Variants in CACNA1C observed in about 807,000 individuals in gnomAD.
The protein encoded by CACNA1C is calcium voltage-gated channel subunit alpha1 C, also known as voltage-dependent L-type calcium channel subunit alpha-1C.
Under a neutral mutation model 229.0 loss-of-function variants are expected in CACNA1C, and 30 were observed. That is an observed-to-expected ratio of 0.13 (90% CI 0.10 to 0.18). The LOEUF (loss-of-function observed/expected upper bound fraction) is 0.18. CACNA1C is among the 10% of genes least tolerant of loss of function. The pLI is 1.00. For synonymous variants in CACNA1C, 1,114 were observed against 1,132.5 expected (o/e 0.98, Z 0.33); for missense variants, 1,658 against 2,845.0 (o/e 0.58, Z 9.49).
chr12:2,638,879 G>A (rs2093259469), intron 30 of CACNA1C, among the ~76,000 whole-genome samples: 1 of 151,592 alleles, frequency 6.6e-6, no homozygotes, highest in African/African-American at 2.4e-5. Flanking sequence ...TTGGAGGGGA[G>A]ATGTCAGGTG....
intron 13 of CACNA1C, among the ~76,000 whole-genome samples, chr12:2,572,489 TC>T (rs2055908857): frequency 2.2e-5 from 2 of 90,976 alleles, no homozygotes; most frequent in Non-Finnish European, 2.2e-5. Context: ...CTCTTCCTCC[TC>T]CTCCTCCTCT....
chr12:2,436,364 A>G (rs1017809127), intron 3 of CACNA1C, among the ~76,000 whole-genome samples: 1 of 152,102 alleles, frequency 6.6e-6, no homozygotes, highest in Non-Finnish European at 1.5e-5. Context: ...AGGCTGTTGA[A>G]GGGGCCTCTT....
intron 5 of CACNA1C, among the ~76,000 whole-genome samples, chr12:2,482,399 G>A (rs923613270): frequency 7.2e-5 from 11 of 152,352 alleles, no homozygotes; most frequent in African/African-American, 1.9e-4. Flanking sequence ...AGACCACCTG[G>A]CACTGAGCCC....
At chr12:2,378,779 G>GTCCTTCCTTCCTTCCTTCCTTCCTTCCT (rs146245294) in intron 3 of CACNA1C, among the ~76,000 whole-genome samples, 1 of 144,024 alleles carries the variant, frequency 6.9e-6, no homozygotes, top group African/African-American at 2.7e-5. Context: ...GTTTATTTGG[G>GTCCTTCCTTCCTTCCTTCCTTCCTTCCT]TCCTTCCTTC....
In CACNA1C at chr12:2,666,535, C is replaced by T. The variant is rs77773628; in HGVS notation, c.4527-151C>T. 0.014 allele frequency: 7,903 copies of T among 558,642 alleles called. 77 individuals carry two copies. Among genetic ancestry groups the T allele is most frequent in the Middle Eastern group, 0.022 (47 of 2,126 alleles). 34.6% of individuals were successfully genotyped at this position (558,642 alleles called of 1,614,324 possible). The stretch of plus-strand genomic sequence containing the variant: ...TTTGGGGCTGTGTCATGCAATTCTG[C>T]AACTCTGTACTGAGTGTGACTAATA... On this transcript the variant is annotated intron_variant, in intron 36 of 46. Coordinates refer to ENST00000399655, the MANE Select transcript of CACNA1C (RefSeq NM_000719.7). This position sits in a 1 kb window ranked among gnomAD's most constrained non-coding sequence, Gnocchi z 5.3.
Position 1,983,125 on chromosome 12 carries a change from C to CT in CACNA1C, c.139+11935dup, listed in dbSNP as rs879705096. Among the ~76,000 whole-genome samples the CT allele has an allele frequency of 1.2e-3, 170 of 143,736 alleles. 1 individual carries two copies. The highest frequency in any genetic ancestry group is 3.6e-3 in the Middle Eastern group (1 of 276). The allele number at this position is 143,736 out of a possible 152,430, so 94.3% of individuals were successfully genotyped here. On this transcript the variant is annotated intron_variant, in intron 1 of 46. Coordinates refer to the CACNA1C transcript ENST00000682462. ...TTCTGATACTGCTAATTTGTGTCTTCTTTTTTTTTTTCCTTCATCAGTCTG... is the reference window on the plus strand; with the variant it reads ...TTCTGATACTGCTAATTTGTGTCTTCTTTTTTTTTTTTCCTTCATCAGTCTG...
intron 1 of CACNA1C, among the ~76,000 whole-genome samples, chr12:2,060,476 C>G (rs1439030815): frequency 6.6e-6 from 1 of 152,240 alleles, no homozygotes; most frequent in East Asian, 1.9e-4. Context: ...GGAAGAGAAT[C>G]ACTAGGACCT....
At chr12:2,118,627 G>A (rs1171435988) in intron 2 of CACNA1C, among the ~76,000 whole-genome samples, 2 of 152,192 alleles carry the variant, frequency 1.3e-5, no homozygotes, top group Non-Finnish European at 2.9e-5. Flanking sequence ...CATTTCTGTT[G>A]GGCCGTAAGA....
chr12:2,485,410 T>C (rs1223797280), intron 5 of CACNA1C, among the ~76,000 whole-genome samples: 1 of 152,168 alleles, frequency 6.6e-6, no homozygotes, highest in Non-Finnish European at 1.5e-5. Flanking sequence ...TTATTTCTGG[T>C]ATAACCGAGC....
chr12:2,496,617 A>AC (rs57787912), intron 7 of CACNA1C, among the ~76,000 whole-genome samples: 22,270 of 152,224 alleles, frequency 0.15, 1,721 homozygotes, highest in Middle Eastern at 0.23. Flanking sequence ...TTCCATTGTT[A>AC]GATTTTAAAG....
intron 3 of CACNA1C, among the ~76,000 whole-genome samples, chr12:2,333,306 C>T (rs1380099413): frequency 6.6e-6 from 1 of 152,210 alleles, no homozygotes; most frequent in Admixed American, 6.5e-5. Context: ...GATTGGGAGA[C>T]TCCAAAACCT....
At chr12:2,380,742 C>A (rs535898346) in intron 3 of CACNA1C, among the ~76,000 whole-genome samples, 1 of 152,226 alleles carries the variant, frequency 6.6e-6, no homozygotes, top group Non-Finnish European at 1.5e-5. Context: ...TAATTAACTT[C>A]CCCATGCCTG....
At chr12:2,016,150 G>C (rs966771769) in intron 1 of CACNA1C, among the ~76,000 whole-genome samples, 2 of 152,136 alleles carry the variant, frequency 1.3e-5, no homozygotes, top group African/African-American at 4.8e-5. Context: ...TTCTTAGTTC[G>C]GTGTCTCCTG....
rs111648242 is a variant in CACNA1C at position 2,152,452 on chromosome 12, C to T, written c.477+32022C>T. ...CTTTCTCCCTCTGCAGGCGTGTTGC[C>T]GTCATGGTGAGGAGCCATTTCATAT... On this transcript the variant is annotated intron_variant, in intron 3 of 46. Coordinates refer to ENST00000399655, the MANE Select transcript of CACNA1C (RefSeq NM_000719.7). The surrounding 1 kb of genome is among the most constrained non-coding windows in gnomAD (Gnocchi z 4.2). Among the ~76,000 whole-genome samples, 14 of 152,264 alleles carry T rather than the reference C, an allele frequency of 9.2e-5. 2 individuals are homozygous for T. In the South Asian group the frequency reaches 1.0e-3, roughly 11 times the overall value.
chr12:2,423,066 A>T (rs1174094935), intron 3 of CACNA1C, among the ~76,000 whole-genome samples: 1 of 152,006 alleles, frequency 6.6e-6, no homozygotes, highest in Non-Finnish European at 1.5e-5. Flanking sequence ...ATCTAGCATG[A>T]TTTCCCACTC....
intron 3 of CACNA1C, among the ~76,000 whole-genome samples, chr12:2,239,629 C>T (rs899601417): frequency 3.3e-5 from 5 of 152,162 alleles, no homozygotes; most frequent in African/African-American, 7.2e-5. Flanking sequence ...CCCTCCCACT[C>T]GCCTCCCACG....
chr12:2,602,184 G>A lies in CACNA1C; in HGVS notation c.2960+224G>A, dbSNP rs977061325. ...CAGGTGAGAATATGTTTAATTATCTGGGTTTTGCCATGACAGGCAGGGCCA... is the reference window on the plus strand; with the variant it reads ...CAGGTGAGAATATGTTTAATTATCTAGGTTTTGCCATGACAGGCAGGGCCA... On this transcript the variant is annotated intron_variant, in intron 22 of 46. Transcript: ENST00000399655. This position sits in a 1 kb window ranked among gnomAD's most constrained non-coding sequence, Gnocchi z 4.4. Among the ~76,000 whole-genome samples, 44 of 152,182 alleles carry A rather than the reference G, an allele frequency of 2.9e-4. No homozygotes were observed. The highest frequency in any genetic ancestry group is 1.1e-3 in the African/African-American group (44 of 41,438).
intron 9 of CACNA1C, among the ~76,000 whole-genome samples, chr12:2,528,100 T>C (rs2099827051): frequency 6.6e-6 from 1 of 152,166 alleles, no homozygotes; most frequent in African/African-American, 2.4e-5. Context: ...CTCATGTTCC[T>C]CTCCCAACAG....
At position 2,639,960 on chromosome 12, in the gene CACNA1C, C is replaced by T. The variant is rs1246979985; in HGVS notation, c.3912+5580C>T. Among the ~76,000 whole-genome samples the T allele has an allele frequency of 1.6e-4, 24 of 152,042 alleles. No homozygotes were observed. The highest frequency in any genetic ancestry group is 1.9e-4 in the East Asian group (1 of 5,178). On this transcript the variant is annotated intron_variant, in intron 30 of 46. Coordinates refer to ENST00000399655, the MANE Select transcript of CACNA1C (RefSeq NM_000719.7). This position sits in a 1 kb window ranked among gnomAD's most constrained non-coding sequence, Gnocchi z 4.2. ...GGCCCTGGAGCTTCTGGGCACAGCT[C>T]TCAGGAGGAATTGCTGGAGGCTTTG...
Sources: gnomAD v4.1 joint callset for allele counts (sites outside exome capture counted in the v4.1 genomes callset) on GRCh38, gnomAD v4.1.1 for gene constraint, Gnocchi (gnomAD v3.1) non-coding constraint, MANE v1.5 for transcripts, NCBI Gene and HGNC (gene_info 2026-07-23, HGNC 2026-07-21) for gene names.